RUNDC3B: variants seen among roughly 807,000 people sequenced by gnomAD.
RUNDC3B encodes RUN domain-containing protein 3B.
RUNDC3B carries 33 observed loss-of-function variants against 58.4 expected under a neutral mutation model. That is an observed-to-expected ratio of 0.56 (90% CI 0.43 to 0.75). The LOEUF (loss-of-function observed/expected upper bound fraction) is 0.75, where lower values mean the gene tolerates loss of function less well. Among genes scored for constraint, RUNDC3B ranks in the 30% least tolerant of loss-of-function variants. The pLI, the probability that RUNDC3B is intolerant of heterozygous loss-of-function variation, is 0.00. For missense variants in RUNDC3B, 501 were observed against 535.7 expected, an observed-to-expected ratio of 0.94 and a Z score of 0.64; for synonymous variants, 193 against 195.2, an observed-to-expected ratio of 0.99 and a Z score of 0.10.
At chr7:87,783,100 C>G (rs141938162) in intron 8 of RUNDC3B, among the ~76,000 whole-genome samples, 120 of 151,828 alleles carry the variant, frequency 7.9e-4, no homozygotes, top group African/African-American at 2.7e-3. Flanking sequence ...TTTTGTAGGT[C>G]TAGAAGTACT....
intron 4 of RUNDC3B, among the ~76,000 whole-genome samples, chr7:87,734,954 A>T (rs1231180334): frequency 6.6e-6 from 1 of 152,050 alleles, no homozygotes; most frequent in Admixed American, 6.6e-5. Context: ...CTCTGGGCTC[A>T]GTCCTGCATT....
intron 2 of RUNDC3B, among the ~76,000 whole-genome samples, chr7:87,676,519 C>A (rs542241059): frequency 6.6e-6 from 1 of 152,036 alleles, no homozygotes; most frequent in Non-Finnish European, 1.5e-5. Context: ...GCCTGGCCAA[C>A]ATGGTGAAAC....
chr7:87,704,492 A>G (rs1267326341), intron 3 of RUNDC3B, among the ~76,000 whole-genome samples: 1 of 152,246 alleles, frequency 6.6e-6, no homozygotes, highest in African/African-American at 2.4e-5. Flanking sequence ...AAGTTAACAA[A>G]GTTTAGAAAT....
At chr7:87,636,418 G>A (rs1821780584) in intron 1 of RUNDC3B, among the ~76,000 whole-genome samples, 1 of 152,102 alleles carries the variant, frequency 6.6e-6, no homozygotes, top group African/African-American at 2.4e-5. Context: ...TGGAATCTCT[G>A]CTTTTTGTTT....
At chr7:87,806,946 C>T (rs924899775) in intron 8 of RUNDC3B, among the ~76,000 whole-genome samples, 1 of 151,206 alleles carries the variant, frequency 6.6e-6, no homozygotes, top group African/African-American at 2.4e-5. Flanking sequence ...TTTTCCTTTA[C>T]TTGAATTAAA....
At chr7:87,791,708 A>G (rs1209863397) in intron 8 of RUNDC3B, among the ~76,000 whole-genome samples, 1 of 152,104 alleles carries the variant, frequency 6.6e-6, no homozygotes, top group African/African-American at 2.4e-5. Flanking sequence ...ATTGAAAAAC[A>G]TAAAACAGAT....
At chr7:87,763,522 C>A (rs535774479) in intron 6 of RUNDC3B, among the ~76,000 whole-genome samples, 1 of 151,694 alleles carries the variant, frequency 6.6e-6, no homozygotes, top group East Asian at 1.9e-4. Context: ...GATAATTTTG[C>A]TGGATATGTG....
At chr7:87,654,056 T>G (rs1167467690) in intron 2 of RUNDC3B, among the ~76,000 whole-genome samples, 1 of 152,078 alleles carries the variant, frequency 6.6e-6, no homozygotes, top group Non-Finnish European at 1.5e-5. Context: ...ATTTTTTTTC[T>G]TCTTTTTCCA....
chr7:87,693,904 A>G, intron 2 of RUNDC3B: 2 of 1,571,326 alleles, frequency 1.3e-6, no homozygotes, highest in Non-Finnish European at 1.7e-6. Context: ...TTTTTTTTTT[A>G]AAGAGATTTC....
At chr7:87,752,334 C>A (rs930533579) in intron 6 of RUNDC3B, among the ~76,000 whole-genome samples, 3 of 152,050 alleles carry the variant, frequency 2.0e-5, no homozygotes, top group African/African-American at 7.3e-5. Flanking sequence ...GTCTAGAATT[C>A]TCTTTTTTGG....
At chr7:87,735,866 C>G (rs1831894830) in intron 4 of RUNDC3B, among the ~76,000 whole-genome samples, 1 of 152,066 alleles carries the variant, frequency 6.6e-6, no homozygotes, top group Admixed American at 6.6e-5. Flanking sequence ...TTTCTATTCC[C>G]CTAGACTATA....
chr7:87,782,214 C>T lies in RUNDC3B; in HGVS notation c.956+4259C>T, dbSNP rs74651051. On this transcript the variant is annotated intron_variant, in intron 8 of 10. Transcript: ENST00000394654. ...TTAATCTTGGGAGATTGTGTGTTTC[C>T]GGCAACTTATCAATTTCCTCTAGAT... is the stretch of plus-strand genomic sequence containing the variant. Among the ~76,000 whole-genome samples the T allele has an allele frequency of 8.2e-3, 1,241 of 152,090 alleles. 22 individuals are homozygous for T. The highest frequency in any genetic ancestry group is 0.028 in the African/African-American group (1,149 of 41,494).
At chr7:87,731,148 AT>A (rs1831554061) in intron 4 of RUNDC3B, among the ~76,000 whole-genome samples, 1 of 152,030 alleles carries the variant, frequency 6.6e-6, no homozygotes, top group Non-Finnish European at 1.5e-5. Context: ...TACAATCAAT[AT>A]CTAACTCTTC....
Position 87,739,818 on chromosome 7 carries a change from C to G in RUNDC3B, c.486C>G (p.Val162=). 5 of 1,590,114 alleles carry G rather than the reference C, an allele frequency of 3.1e-6. No individual in the cohort carries two copies. Among genetic ancestry groups the G allele is most frequent in the East Asian group, 2.2e-5 (1 of 44,500 alleles). Residue 162 remains valine, a synonymous_variant, in exon 5 of 11, where the codon GTC becomes GTG. Coordinates refer to ENST00000394654, the MANE Select transcript of RUNDC3B (RefSeq NM_001134405.2). ...GATTTTATGAAGATGGAGCAATTGT[C>G]TTGGGTGAAGAAGCAAATATGCTTG... The part of the protein sequence containing the change: ...TRRFYEDGAI[V]LGEEANMLAG...
intron 8 of RUNDC3B, among the ~76,000 whole-genome samples, chr7:87,780,606 T>G (rs1379063259): frequency 6.6e-6 from 1 of 152,192 alleles, no homozygotes; most frequent in Non-Finnish European, 1.5e-5. Flanking sequence ...TTTAGTTTAA[T>G]TAGGTCCCAC....
intron 4 of RUNDC3B, among the ~76,000 whole-genome samples, chr7:87,738,343 AT>A (rs1832111975): frequency 6.6e-6 from 1 of 152,014 alleles, no homozygotes; most frequent in African/African-American, 2.4e-5. Context: ...ATGTAAAAAA[AT>A]CCTTCCATTT....
rs957067412 is a variant in RUNDC3B at position 87,628,444 on chromosome 7, G to C, written c.-380G>C. 4.1e-5 allele frequency: 7 copies of C among 170,460 alleles called. No individual in the cohort carries two copies. The highest frequency in any genetic ancestry group is 1.7e-4 in the African/African-American group (7 of 42,196). 10.6% of individuals were successfully genotyped at this position (170,460 alleles called of 1,614,324 possible). A position where few individuals can be genotyped will look rare whatever the true frequency, so the allele number is the denominator to read the frequency against. The stretch of plus-strand genomic sequence containing the variant: ...GCACGAGTGGCTGCGGAGTGTGGGT[G>C]GTTGGGCGTGAGGGGCCGACGGGCT... On this transcript the variant is annotated 5_prime_UTR_variant, in exon 1 of 11. Coordinates refer to ENST00000394654, the MANE Select transcript of RUNDC3B (RefSeq NM_001134405.2).
chr7:87,706,501 A>C (rs1190325859), intron 3 of RUNDC3B, among the ~76,000 whole-genome samples: 3 of 152,216 alleles, frequency 2.0e-5, no homozygotes, highest in Admixed American at 1.3e-4. Context: ...CCTACTGCTG[A>C]GAACAACTAT....
intron 10 of RUNDC3B, among the ~76,000 whole-genome samples, chr7:87,821,394 TACAA>T (rs1837422999): frequency 6.6e-6 from 1 of 152,058 alleles, no homozygotes; most frequent in Non-Finnish European, 1.5e-5. Context: ...TAAAAGAGGA[TACAA>T]ACAAATGGAA....
Sources: gnomAD v4.1 joint callset for allele counts (sites outside exome capture counted in the v4.1 genomes callset) on GRCh38, gnomAD v4.1.1 for gene constraint, MANE v1.5 for transcripts, NCBI Gene and HGNC (gene_info 2026-07-23, HGNC 2026-07-21) for gene names.